The following NUDT9 variants were observed in gnomAD, a reference collection of about 807,000 sequenced individuals.
NUDT9 encodes ADP-ribose pyrophosphatase.
Under a neutral mutation model 41.0 loss-of-function variants are expected in NUDT9, and 31 were observed. That is an observed-to-expected ratio of 0.76 (90% CI 0.57 to 1.02). NUDT9 has a LOEUF of 1.02. Ranked by LOEUF, NUDT9 falls within the 50% of genes least tolerant of loss-of-function variation. The pLI is 0.00. For synonymous variants in NUDT9, 146 were observed against 147.6 expected (o/e 0.99, Z 0.08); for missense variants, 380 against 431.4 (o/e 0.88, Z 1.06).
At chr4:87,425,824 TTTTC>T (rs1371344733) in intron 1 of NUDT9, among the ~76,000 whole-genome samples, 7 of 152,064 alleles carry the variant, frequency 4.6e-5, no homozygotes. Flanking sequence ...CCAATGTTCA[TTTTC>T]TTTTTTAATT....
intron 2 of NUDT9, 37 bp from the exon 3 acceptor site, chr4:87,438,240 C>A: frequency 9.1e-7 from 1 of 1,101,344 alleles, no homozygotes; most frequent in Non-Finnish European, 1.4e-6. Context: ...AGTTTTGAAT[C>A]ATTATTTCTT....
intron 2 of NUDT9, among the ~76,000 whole-genome samples, chr4:87,437,993 G>A (rs954101754): frequency 6.6e-6 from 1 of 152,106 alleles, no homozygotes; most frequent in African/African-American, 2.4e-5. Flanking sequence ...GTAGCATGAG[G>A]TAGGAGCTCT....
In NUDT9 at chr4:87,422,940, C is replaced by T. The variant is rs1186283340; in HGVS notation, c.35C>T (p.Ala12Val). 2 of 1,612,616 alleles carry T rather than the reference C, an allele frequency of 1.2e-6. No individual in the cohort carries two copies. Among genetic ancestry groups the T allele is most frequent in the Admixed American group, 3.3e-5 (2 of 59,914 alleles). The change falls in exon 1 of 8, where the codon GCG becomes GTG. Residue 12 changes from alanine to valine, a missense_variant. Transcript: ENST00000302174. The stretch of plus-strand genomic sequence containing the variant: ...CGCCTCCTGGGAAAGGCTTTAGCCG[C>T]GGTGTCTCTCTCTCTGGCCTTGGCC... Reference protein sequence around the residue: ...AGRLLGKALAAVSLSLALASV... With the variant: ...AGRLLGKALAVVSLSLALASV...
intron 2 of NUDT9, among the ~76,000 whole-genome samples, chr4:87,436,876 CTCTT>C (rs1408981946): frequency 2.6e-5 from 4 of 152,152 alleles, no homozygotes; most frequent in African/African-American, 9.7e-5. Flanking sequence ...TGCTATGTAA[CTCTT>C]TATTCACTGT....
At chr4:87,427,811 A>G (rs1178526672) in intron 1 of NUDT9, among the ~76,000 whole-genome samples, 1 of 152,088 alleles carries the variant, frequency 6.6e-6, no homozygotes, top group African/African-American at 2.4e-5. Flanking sequence ...TCATTTTGTG[A>G]TAGGGTTCAA....
At chr4:87,456,881 T>A (rs1396077465) in intron 7 of NUDT9, among the ~76,000 whole-genome samples, 1 of 151,928 alleles carries the variant, frequency 6.6e-6, no homozygotes, top group African/African-American at 2.4e-5. Context: ...CAGTGAGCCG[T>A]GATTGTGCCA....
intron 1 of NUDT9, among the ~76,000 whole-genome samples, chr4:87,425,045 T>A (rs775441336): frequency 6.6e-6 from 1 of 152,058 alleles, no homozygotes; most frequent in Non-Finnish European, 1.5e-5. Flanking sequence ...TGATACAATG[T>A]CTCAAGAAAA....
Position 87,422,946 on chromosome 4 carries a change from C to G in NUDT9, c.41C>G (p.Ser14Cys), listed in dbSNP as rs151296797. The G allele has an allele frequency of 3.1e-6, 5 of 1,608,458 alleles. No individual in the cohort carries two copies. Among genetic ancestry groups the G allele is most frequent in the Non-Finnish European group, 4.2e-6 (5 of 1,177,588 alleles). The change falls in exon 1 of 8, where the codon TCT (serine) becomes TGT (cysteine). Residue 14 changes from serine (S) to cysteine (C), a missense_variant. Ser to Cys is a moderately radical substitution (Grantham distance 112, BLOSUM62 -1). Transcript: ENST00000302174. ...CTGGGAAAGGCTTTAGCCGCGGTGT[C>G]TCTCTCTCTGGCCTTGGCCTCTGTG... The part of the protein sequence containing the change: ...RLLGKALAAV[S>C]LSLALASVTI...
At chr4:87,425,332 C>T (rs1038924605) in intron 1 of NUDT9, among the ~76,000 whole-genome samples, 4 of 151,194 alleles carry the variant, frequency 2.6e-5, no homozygotes, top group Admixed American at 6.6e-5. Context: ...AAGCTATGAT[C>T]GCATCACTGC....
intron 4 of NUDT9, among the ~76,000 whole-genome samples, chr4:87,446,511 G>A (rs1722465819): frequency 6.6e-6 from 1 of 152,106 alleles, no homozygotes; most frequent in Non-Finnish European, 1.5e-5. Context: ...GGGATTACAG[G>A]CGTGGGCCAC....
intron 1 of NUDT9, among the ~76,000 whole-genome samples, chr4:87,425,846 C>CA (rs1232205422): frequency 6.6e-6 from 1 of 150,992 alleles, no homozygotes; most frequent in African/African-American, 2.4e-5. Flanking sequence ...ATTGCTCTGT[C>CA]ACCTAGGCTG....
intron 7 of NUDT9, among the ~76,000 whole-genome samples, chr4:87,454,740 A>G (rs1330056811): frequency 6.6e-6 from 1 of 152,210 alleles, no homozygotes; most frequent in African/African-American, 2.4e-5. Context: ...ATGTCAGATT[A>G]TTTATTGAGT....
In NUDT9 at chr4:87,441,906, T is replaced by C. The variant is rs756499072; in HGVS notation, c.521T>C (p.Ile174Thr). 1 of 1,607,108 alleles carries C rather than the reference T, an allele frequency of 6.2e-7. No individual in the cohort carries two copies. Among genetic ancestry groups the C allele is most frequent in the East Asian group, 2.2e-5 (1 of 44,812 alleles). ...RWGPNHAADP[I>T]ITRWKRDSSG... ...GGCCCAAATCACGCTGCAGATCCCA[T>C]TATAACCAGGTAAGAACCAATAAAA... The change falls in exon 4 of 8, where the codon ATT becomes ACT. Residue 174 changes from isoleucine (I) to threonine (T), a missense_variant. Physicochemically the swap from Ile to Thr is moderately conservative, Grantham distance 89. Transcript: ENST00000302174.
chr4:87,452,986 AT>A (rs1464781675), intron 6 of NUDT9, among the ~76,000 whole-genome samples: 2 of 150,222 alleles, frequency 1.3e-5, no homozygotes, highest in African/African-American at 4.9e-5. Flanking sequence ...TAATTTTTGT[AT>A]TTTTAGTAGT....
intron 1 of NUDT9, 26 bp from the exon 2 acceptor site, chr4:87,434,954 TA>T: frequency 1.3e-6 from 2 of 1,585,630 alleles, no homozygotes; most frequent in Non-Finnish European, 1.7e-6. Context: ...GGTATTTATG[TA>T]AAATGTTTTT....
chr4:87,438,121 G>T (rs1382795329), intron 2 of NUDT9, among the ~76,000 whole-genome samples, 156 bp from the exon 3 acceptor site: 1 of 142,918 alleles, frequency 7.0e-6, no homozygotes. Flanking sequence ...TGTTTTGAAG[G>T]AATAAGATGG....
At chr4:87,430,102 C>T (rs933630925) in intron 1 of NUDT9, among the ~76,000 whole-genome samples, 4 of 152,052 alleles carry the variant, frequency 2.6e-5, no homozygotes, top group East Asian at 1.9e-4. Flanking sequence ...ATGGCCTGGC[C>T]GTGATCAAAG....
intron 4 of NUDT9, among the ~76,000 whole-genome samples, chr4:87,447,167 A>G (rs143598384): frequency 6.6e-6 from 1 of 152,220 alleles, no homozygotes; most frequent in Non-Finnish European, 1.5e-5. Flanking sequence ...TGAACACATT[A>G]TTTTATTTTA....
In NUDT9 at chr4:87,457,744, T is replaced by A. The variant is rs976517661; in HGVS notation, c.875-99T>A. On this transcript the variant is annotated intron_variant, in intron 7 of 7. Coordinates refer to ENST00000302174, the MANE Select transcript of NUDT9 (RefSeq NM_024047.5). Reference sequence around the variant, plus strand: ...TAATTCACTTGGCCGGCTAGTACAATGATGATATAAGATTATTTTAAATAA... The same window carrying A: ...TAATTCACTTGGCCGGCTAGTACAAAGATGATATAAGATTATTTTAAATAA... 12 of 1,077,420 alleles carry A rather than the reference T, an allele frequency of 1.1e-5. No homozygotes were observed. The African/African-American group carries it at 1.8e-4, about 16-fold the overall frequency. The allele number at this position is 1,077,420 out of a possible 1,614,324, so 66.7% of individuals were successfully genotyped here.
Sources: allele counts gnomAD v4.1 joint callset (sites outside exome capture counted in the v4.1 genomes callset), GRCh38; gene constraint gnomAD v4.1.1; transcripts MANE v1.5; gene names NCBI Gene and HGNC (gene_info 2026-07-23, HGNC 2026-07-21).